GRIN2A: variants seen among roughly 807,000 people sequenced by gnomAD.
The protein encoded by GRIN2A is glutamate receptor ionotropic, NMDA 2A.
A neutral mutation model predicts 113.4 loss-of-function variants in GRIN2A; 22 were observed. That is an observed-to-expected ratio of 0.19 (90% CI 0.14 to 0.28). The LOEUF is 0.28. Ranked by LOEUF, GRIN2A falls within the 10% of genes least tolerant of loss-of-function variation. The pLI, the probability that GRIN2A is intolerant of heterozygous loss-of-function variation, is 1.00. For synonymous variants in GRIN2A, 827 were observed against 738.4 expected (o/e 1.12, Z -1.94); for missense variants, 1,502 against 1,887.0 (o/e 0.80, Z 3.78).
At position 9,854,298 on chromosome 16, in the gene GRIN2A, T is replaced by C. The variant is rs187326307; in HGVS notation, c.1123-4337A>G. On this transcript the variant is annotated intron_variant, in intron 4 of 12. Coordinates refer to ENST00000330684, the MANE Select transcript of GRIN2A (RefSeq NM_001134407.3). ...TTACTGCAACTTCAGCCCCCGAGAC[T>C]CAGAGCCATTGAGGGTGGCCGTCTG... Among the ~76,000 whole-genome samples, 339 of 152,048 alleles carry C rather than the reference T, an allele frequency of 2.2e-3. 1 individual carries two copies. The highest frequency in any genetic ancestry group is 7.9e-3 in the African/African-American group (326 of 41,494).
Position 10,159,842 on chromosome 16 carries a change from T to A in GRIN2A, c.414+20156A>T, listed in dbSNP as rs372948893. 6.6e-5 allele frequency among the ~76,000 whole-genome samples: 10 copies of A among 152,196 alleles called. No homozygotes were observed. The East Asian group carries it at 7.7e-4, about 12-fold the overall frequency. On this transcript the variant is annotated intron_variant, in intron 2 of 12. Transcript: ENST00000330684. The stretch of plus-strand genomic sequence containing the variant: ...CTCCACATTTTTGCAATACAAACTA[T>A]CGTTCTCATTATGTGGAACCCACCC...
At chr16:9,799,396 C>T (rs1903219122) in intron 10 of GRIN2A, among the ~76,000 whole-genome samples, 1 of 152,216 alleles carries the variant, frequency 6.6e-6, no homozygotes, top group African/African-American at 2.4e-5. Context: ...GAACAGATCC[C>T]TCCCTGGAGC....
At chr16:10,102,969 A>G (rs1057286915) in intron 2 of GRIN2A, among the ~76,000 whole-genome samples, 4 of 152,204 alleles carry the variant, frequency 2.6e-5, no homozygotes, top group Non-Finnish European at 4.4e-5. Flanking sequence ...ATCATTTAAC[A>G]AGCATCTATT....
At chr16:10,152,429 G>T (rs1033805136) in intron 2 of GRIN2A, among the ~76,000 whole-genome samples, 1 of 152,122 alleles carries the variant, frequency 6.6e-6, no homozygotes, top group Non-Finnish European at 1.5e-5. Flanking sequence ...CATAATGATG[G>T]TTCAACTCCA....
chr16:10,127,502 C>T (rs1186892240), intron 2 of GRIN2A, among the ~76,000 whole-genome samples: 1 of 152,212 alleles, frequency 6.6e-6, no homozygotes, highest in Non-Finnish European at 1.5e-5. Flanking sequence ...GAGGTCTTCA[C>T]CAGCAACTGT....
intron 2 of GRIN2A, among the ~76,000 whole-genome samples, chr16:10,116,047 T>C (rs2048723156): frequency 6.6e-6 from 1 of 152,122 alleles, no homozygotes; most frequent in South Asian, 2.1e-4. Context: ...CTATCCACAA[T>C]AGCAAAGACA....
rs1900558731 is a variant in GRIN2A at position 9,761,034 on chromosome 16, T to TG, written c.*2114_*2115insC. 4.3e-6 allele frequency: 1 copy of TG among 232,750 alleles called. No homozygotes were observed. Among genetic ancestry groups the TG allele is most frequent in the Non-Finnish European group, 8.5e-6 (1 of 117,836 alleles). 14.4% of individuals were successfully genotyped at this position (232,750 alleles called of 1,614,324 possible). ...CAGCATCCGGGAAATAAAATGTCAT[T>TG]TTCAAGCACATGCATCCCCAGCACC... On this transcript the variant is annotated 3_prime_UTR_variant, in exon 13 of 13. Transcript: ENST00000330684.
intron 11 of GRIN2A, 137 bp downstream of exon 11, chr16:9,798,140 T>C (rs1241898470): frequency 6.8e-6 from 5 of 736,118 alleles, no homozygotes; most frequent in Non-Finnish European, 1.2e-5. Flanking sequence ...AACCATGGTT[T>C]CATGTGACAG....
chr16:10,128,080 C>T (rs910604170), intron 2 of GRIN2A, among the ~76,000 whole-genome samples: 1 of 152,168 alleles, frequency 6.6e-6, no homozygotes, highest in Non-Finnish European at 1.5e-5. Flanking sequence ...GTGAGCTTCC[C>T]TTGTTGGCAA....
chr16:9,789,857 T>A (rs555190802), intron 11 of GRIN2A, among the ~76,000 whole-genome samples: 1 of 152,326 alleles, frequency 6.6e-6, no homozygotes, highest in Non-Finnish European at 1.5e-5. Flanking sequence ...AAGCCCCTCC[T>A]TGGGGAAGGC....
intron 2 of GRIN2A, among the ~76,000 whole-genome samples, chr16:10,131,254 G>A (rs2049055406): frequency 6.6e-6 from 1 of 152,182 alleles, no homozygotes; most frequent in Non-Finnish European, 1.5e-5. Context: ...AGAACAGCAT[G>A]TAGAGTGGGC....
At position 9,937,774 on chromosome 16, in the gene GRIN2A, A is replaced by G. The variant is rs73504624; in HGVS notation, c.1007+185T>C. ...AGTTAAGTTGCAGGAAACAAAGTCT[A>G]ATGTGACTTTTCTTACAAAGGAGAT... On this transcript the variant is annotated intron_variant, in intron 3 of 12. Coordinates refer to ENST00000330684, the MANE Select transcript of GRIN2A (RefSeq NM_001134407.3). 2,971 of 614,262 alleles carry G rather than the reference A, an allele frequency of 4.8e-3. 70 individuals carry two copies. In the African/African-American group the frequency reaches 0.049, roughly 10 times the overall value. 38.1% of individuals were successfully genotyped at this position (614,262 alleles called of 1,614,324 possible).
At position 10,087,498 on chromosome 16, in the gene GRIN2A, C is replaced by A. The variant is rs368071522; in HGVS notation, c.414+92500G>T. On this transcript the variant is annotated intron_variant, in intron 2 of 12. Transcript: ENST00000330684. ...GAGCCCTCCGTCAGTCTGACTCTTG[C>A]ATCTAAGACATGAAGCAGAGCTGCA... Among the ~76,000 whole-genome samples, 250 of 152,268 alleles carry A rather than the reference C, an allele frequency of 1.6e-3. 1 individual carries two copies. The highest frequency in any genetic ancestry group is 6.8e-3 in the Middle Eastern group (2 of 294).
At chr16:10,036,669 A>G (rs2047038414) in intron 2 of GRIN2A, among the ~76,000 whole-genome samples, 1 of 150,882 alleles carries the variant, frequency 6.6e-6, no homozygotes, top group Non-Finnish European at 1.5e-5. Flanking sequence ...GATGGTCTCC[A>G]TCTCCTGACC....
intron 4 of GRIN2A, among the ~76,000 whole-genome samples, chr16:9,878,887 A>T (rs1055276619): frequency 2.6e-5 from 4 of 151,912 alleles, no homozygotes; most frequent in African/African-American, 9.7e-5. Context: ...ACGCACACAC[A>T]GTTGCACACA....
intron 12 of GRIN2A, 67 bp downstream of exon 12, chr16:9,768,784 A>G: frequency 9.6e-7 from 1 of 1,039,456 alleles, no homozygotes; most frequent in Non-Finnish European, 1.5e-6. Context: ...CCACTGAGAC[A>G]TCAAGAACCC....
intron 4 of GRIN2A, among the ~76,000 whole-genome samples, chr16:9,856,163 G>A (rs925969972): frequency 2.0e-5 from 3 of 152,154 alleles, no homozygotes; most frequent in African/African-American, 7.2e-5. Flanking sequence ...TGCATGATGA[G>A]GAAACCAGGG....
chr16:9,881,181 C>G (rs774558535), intron 4 of GRIN2A, among the ~76,000 whole-genome samples: 2 of 152,222 alleles, frequency 1.3e-5, no homozygotes, highest in Non-Finnish European at 2.9e-5. Flanking sequence ...TGAACTACAT[C>G]TATAAACAGC....
chr16:9,905,910 C>G (rs756765950), intron 3 of GRIN2A, among the ~76,000 whole-genome samples: 2 of 152,148 alleles, frequency 1.3e-5, no homozygotes, highest in Non-Finnish European at 2.9e-5. Context: ...CACCTTATGA[C>G]CTTTCCAAGA....
Sources: allele counts gnomAD v4.1 joint callset (sites outside exome capture counted in the v4.1 genomes callset), GRCh38; gene constraint gnomAD v4.1.1; transcripts MANE v1.5; gene names NCBI Gene and HGNC (gene_info 2026-07-23, HGNC 2026-07-21).